The following TLK1 variants were observed in gnomAD, a reference collection of about 807,000 sequenced individuals.
The protein encoded by TLK1 is serine/threonine-protein kinase tousled-like 1.
Under a neutral mutation model 105.3 loss-of-function variants are expected in TLK1, and 24 were observed. That is an observed-to-expected ratio of 0.23 (90% CI 0.17 to 0.32). The LOEUF is 0.32. Among genes scored for constraint, TLK1 ranks in the 10% least tolerant of loss-of-function variants. TLK1 has a pLI of 1.00. For synonymous variants in TLK1, 321 were observed against 310.4 expected (o/e 1.03, Z -0.36); for missense variants, 558 against 910.5 (o/e 0.61, Z 4.98).
At chr2:171,131,703 G>T (rs1313167476) in intron 1 of TLK1, among the ~76,000 whole-genome samples, 1 of 152,022 alleles carries the variant, frequency 6.6e-6, no homozygotes, top group Non-Finnish European at 1.5e-5. Context: ...CCGTAATCAT[G>T]AACGCATGGT....
rs527491922 is a variant in TLK1 at position 171,143,071 on chromosome 2, G to A, written c.139+17219C>T. 1.5e-3 allele frequency among the ~76,000 whole-genome samples: 228 copies of A among 152,222 alleles called. 1 individual carries two copies. The highest frequency in any genetic ancestry group is 5.1e-3 in the African/African-American group (211 of 41,526). The stretch of plus-strand genomic sequence containing the variant: ...AGCCTGCGCGACAAATCGAGACTCC[G>A]TCTCTCAATAAATGAATGACTGAAT... On this transcript the variant is annotated intron_variant, in intron 1 of 20. Transcript: ENST00000431350.
chr2:170,995,666 A>T (rs914249378), intron 20 of TLK1, among the ~76,000 whole-genome samples: 17 of 152,252 alleles, frequency 1.1e-4, no homozygotes, highest in African/African-American at 4.1e-4. Flanking sequence ...TATTTATCTT[A>T]CAAAAATAAT....
intron 1 of TLK1, among the ~76,000 whole-genome samples, chr2:171,177,796 A>C (rs545705688): frequency 2.4e-4 from 37 of 151,244 alleles, no homozygotes; most frequent in African/African-American, 8.7e-4. Context: ...ACTAACTAGC[A>C]TTTTTTTTTC....
At chr2:171,136,861 T>TA (rs375235785) in intron 1 of TLK1, among the ~76,000 whole-genome samples, 1 of 152,212 alleles carries the variant, frequency 6.6e-6, no homozygotes, top group South Asian at 2.1e-4. Flanking sequence ...TATTATAAGG[T>TA]AAAAAAATCA....
At chr2:171,147,093 T>C (rs867035986) in intron 1 of TLK1, among the ~76,000 whole-genome samples, 2 of 152,202 alleles carry the variant, frequency 1.3e-5, no homozygotes, top group Non-Finnish European at 2.9e-5. Flanking sequence ...CAAGGTGTTC[T>C]TCAAAAGTAT....
intron 1 of TLK1, among the ~76,000 whole-genome samples, chr2:171,191,669 T>G (rs1344821913): frequency 6.6e-6 from 1 of 152,176 alleles, no homozygotes; most frequent in Non-Finnish European, 1.5e-5. Context: ...GAGTTTTAAA[T>G]CATCTTACTT....
intron 2 of TLK1, among the ~76,000 whole-genome samples, chr2:171,086,101 C>T (rs923596378): frequency 6.6e-6 from 1 of 151,918 alleles, no homozygotes; most frequent in Non-Finnish European, 1.5e-5. Flanking sequence ...CCTTATAATC[C>T]TGAGTTTGAA....
At chr2:171,034,641 A>C (rs1288601344) in intron 11 of TLK1, among the ~76,000 whole-genome samples, 3 of 152,224 alleles carry the variant, frequency 2.0e-5, no homozygotes, top group Non-Finnish European at 4.4e-5. Flanking sequence ...TTAAGGAAAC[A>C]GTTTTGAAAC....
At chr2:171,224,890 GAAAT>G (rs1211031368) in intron 1 of TLK1, among the ~76,000 whole-genome samples, 3 of 152,224 alleles carry the variant, frequency 2.0e-5, no homozygotes, top group Admixed American at 6.5e-5. Context: ...TGATAATTCA[GAAAT>G]AAATCCTCAC....
At chr2:171,057,680 T>G (rs1229674664) in intron 5 of TLK1, among the ~76,000 whole-genome samples, 1 of 152,090 alleles carries the variant, frequency 6.6e-6, no homozygotes, top group Non-Finnish European at 1.5e-5. Context: ...TTACACTTGA[T>G]AGTAGAAAGA....
chr2:171,026,523 G>A (rs1014688919), intron 12 of TLK1, among the ~76,000 whole-genome samples: 12 of 152,084 alleles, frequency 7.9e-5, no homozygotes, highest in Non-Finnish European at 1.8e-4. Flanking sequence ...TATGTAAAAT[G>A]TCATCATTTA....
intron 20 of TLK1, among the ~76,000 whole-genome samples, chr2:170,994,201 T>C (rs930153936): frequency 2.0e-5 from 3 of 152,228 alleles, no homozygotes; most frequent in African/African-American, 4.8e-5. Context: ...TTTGAACTTA[T>C]ACTGGAAAGT....
At chr2:171,084,340 C>A (rs1478515692) in intron 2 of TLK1, among the ~76,000 whole-genome samples, 2 of 152,134 alleles carry the variant, frequency 1.3e-5, no homozygotes, top group African/African-American at 2.4e-5. Context: ...ATCCTTGAAA[C>A]GGATCTTTAC....
chr2:171,151,808 T>C (rs1692052061), intron 1 of TLK1, among the ~76,000 whole-genome samples: 1 of 151,414 alleles, frequency 6.6e-6, no homozygotes, highest in South Asian at 2.1e-4. Context: ...ATAAGTATCT[T>C]TAAGTAAATG....
chr2:171,074,267 T>C (rs1311031531), intron 3 of TLK1, among the ~76,000 whole-genome samples: 1 of 152,218 alleles, frequency 6.6e-6, no homozygotes, highest in Non-Finnish European at 1.5e-5. Context: ...AAGACATCAT[T>C]ACTGTACATA....
In TLK1 at chr2:171,056,500, A is replaced by G; in HGVS notation, c.520T>C (p.Ser174Pro). 6.2e-7 allele frequency: 1 copy of G among 1,612,000 alleles called. No individual in the cohort carries two copies. The highest frequency in any genetic ancestry group is 8.5e-7 in the Non-Finnish European group (1 of 1,179,030). ...GAGGAAGGAGTGGAATGTGAATGTG[A>G]ATTTTGAGGAGAACGGATTGCAGGA... ...IPPAIRSPQN[S>P]HSHSTPSSSV... The change falls in exon 6 of 21, where the codon TCA (serine) becomes CCA (proline). Residue 174 changes from serine (S) to proline (P), a missense_variant. Coordinates refer to ENST00000431350, the MANE Select transcript of TLK1 (RefSeq NM_012290.5).
intron 3 of TLK1, among the ~76,000 whole-genome samples, chr2:171,075,230 G>T (rs562024765): frequency 1.2e-3 from 176 of 152,154 alleles, no homozygotes; most frequent in Non-Finnish European, 2.0e-3. Flanking sequence ...GTAGAGGTGG[G>T]TATGTATATA....
At chr2:171,156,056 A>G (rs1692220308) in intron 1 of TLK1, among the ~76,000 whole-genome samples, 1 of 152,204 alleles carries the variant, frequency 6.6e-6, no homozygotes. Context: ...TTGGAATACA[A>G]TATGCTTTCA....
intron 1 of TLK1, among the ~76,000 whole-genome samples, chr2:171,122,032 C>G (rs749321998): frequency 1.4e-4 from 21 of 152,176 alleles, no homozygotes; most frequent in Non-Finnish European, 2.2e-4. Flanking sequence ...CTGCAACCTC[C>G]ACCTCCTGGG....
Sources: gnomAD v4.1 joint callset for allele counts (sites outside exome capture counted in the v4.1 genomes callset) on GRCh38, gnomAD v4.1.1 for gene constraint, MANE v1.5 for transcripts, NCBI Gene and HGNC (gene_info 2026-07-23, HGNC 2026-07-21) for gene names.